The following ATRX variants were observed in gnomAD, a reference collection of about 807,000 sequenced individuals.
ATRX encodes the protein chromatin remodeler ATRX.
ATRX carries 12 observed loss-of-function variants against 172.6 expected under a neutral mutation model. That is an observed-to-expected ratio of 0.07 (90% CI 0.04 to 0.11). The LOEUF (loss-of-function observed/expected upper bound fraction) is 0.11. Ranked by LOEUF, ATRX falls within the 10% of genes least tolerant of loss-of-function variation. ATRX has a pLI of 1.00. For synonymous variants in ATRX, 674 were observed against 594.7 expected (o/e 1.13, Z -1.94); for missense variants, 1,368 against 1,767.4 (o/e 0.77, Z 4.05).
chrX:77,538,645 A>G (rs886603831), intron 30 of ATRX, among the ~76,000 whole-genome samples: 129 of 111,865 alleles, frequency 1.2e-3, no homozygotes, highest in African/African-American at 3.5e-3. Context: ...TTAAATTAAA[A>G]AAGTTAGCTG....
chrX:77,625,114 G>C (rs909573522), intron 19 of ATRX, among the ~76,000 whole-genome samples: 1 of 111,774 alleles, frequency 8.9e-6, no homozygotes, highest in Admixed American at 9.5e-5. Flanking sequence ...ACTAATCTTC[G>C]ACAAAGCAAA....
chrX:77,569,842 A>G (rs1016642493), intron 28 of ATRX, among the ~76,000 whole-genome samples: 1 of 112,271 alleles, frequency 8.9e-6, no homozygotes, highest in African/African-American at 3.2e-5. Context: ...TTGAAAAATG[A>G]TATCAATTCT....
chrX:77,649,771 C>T (rs782120453), intron 15 of ATRX, among the ~76,000 whole-genome samples: 3 of 112,109 alleles, frequency 2.7e-5, no homozygotes, highest in Non-Finnish European at 5.6e-5. Context: ...TTACCTTCCA[C>T]CATGATTGTG....
intron 14 of ATRX, among the ~76,000 whole-genome samples, 156 bp from the exon 15 acceptor site, chrX:77,652,509 A>C (rs1338044068): frequency 4.6e-5 from 5 of 108,416 alleles, no homozygotes; most frequent in Non-Finnish European, 9.5e-5. Flanking sequence ...AAAAAAAAAA[A>C]ACAACTCTTC....
At chrX:77,664,244 G>T in intron 11 of ATRX, among the ~76,000 whole-genome samples, 1 of 111,504 alleles carries the variant, frequency 9.0e-6, no homozygotes, top group East Asian at 2.8e-4. Context: ...AGTATTAAGA[G>T]ATTTTTTTTC....
At chrX:77,661,834 C>T (rs1557122843) in intron 12 of ATRX, among the ~76,000 whole-genome samples, 1 of 111,400 alleles carries the variant, frequency 9.0e-6, no homozygotes, top group Non-Finnish European at 1.9e-5. Flanking sequence ...AAAACACAGG[C>T]TTACAAAGAT....
chrX:77,682,478 C>T lies in ATRX; in HGVS notation c.2778G>A (p.Gly926=), dbSNP rs1419707341. 1.1e-5 allele frequency: 13 copies of T among 1,209,620 alleles called. No homozygotes were observed. Among genetic ancestry groups the T allele is most frequent in the Non-Finnish European group, 1.5e-5 (13 of 895,026 alleles). ...ASTDGVDKLS[G]KEESFTSLEV... ...CCAAAGAAGTAAAACTCTCCTCTTT[C>T]CCAGAAAGCTTATCGACACCATCAG... The change falls in exon 9 of 35, where the codon GGG becomes GGA. Residue 926 remains glycine (G), a synonymous_variant. Coordinates refer to ENST00000373344, the MANE Select transcript of ATRX (RefSeq NM_000489.6).
chrX:77,717,899 G>C (rs1459226222), intron 1 of ATRX, among the ~76,000 whole-genome samples: 1 of 111,148 alleles, frequency 9.0e-6, no homozygotes, highest in Non-Finnish European at 1.9e-5. Flanking sequence ...AAGAAAATTT[G>C]GGGGATTAAA....
chrX:77,582,808 A>G (rs782192570), intron 27 of ATRX, among the ~76,000 whole-genome samples: 1 of 112,095 alleles, frequency 8.9e-6, no homozygotes, highest in Admixed American at 9.5e-5. Context: ...GAAGTCCAAA[A>G]TCTGAACAGA....
intron 30 of ATRX, among the ~76,000 whole-genome samples, chrX:77,537,589 A>G (rs2063796104): frequency 9.0e-6 from 1 of 111,030 alleles, no homozygotes; most frequent in Non-Finnish European, 1.9e-5. Context: ...AGATTCAGCA[A>G]CTTGGGAGGC....
At chrX:77,601,687 T>C (rs182835381) in intron 22 of ATRX, among the ~76,000 whole-genome samples, 7 of 111,729 alleles carry the variant, frequency 6.3e-5, no homozygotes, top group African/African-American at 2.3e-4. Flanking sequence ...AAAAACAGCA[T>C]TTAAGCAATA....
chrX:77,637,612 G>GA (rs200525090), intron 15 of ATRX, among the ~76,000 whole-genome samples: 10 of 107,895 alleles, frequency 9.3e-5, no homozygotes, highest in Non-Finnish European at 1.7e-4. Context: ...ATGGTTCCAT[G>GA]AAAAAAAAAT....
intron 34 of ATRX, among the ~76,000 whole-genome samples, chrX:77,517,610 C>T (rs1158319990): frequency 9.8e-5 from 11 of 111,861 alleles, no homozygotes; most frequent in Non-Finnish European, 1.9e-4. Flanking sequence ...AGAACTAATA[C>T]CAATCTTCCT....
chrX:77,639,574 G>A (rs1341686727), intron 15 of ATRX, among the ~76,000 whole-genome samples: 1 of 111,155 alleles, frequency 9.0e-6, no homozygotes, highest in African/African-American at 3.3e-5. Flanking sequence ...TTAAGTGTGT[G>A]GTACATTTTA....
chrX:77,683,460 G>A lies in ATRX; in HGVS notation c.1796C>T (p.Pro599Leu). ...TTCCTGACAATCAGCACCTTTAATT[G>A]GGGAATTAGAAAGGGAAACAGGAGT... ...KLTPVSLSNSPIKGADCQEVP... is the reference protein window; with the variant it reads ...KLTPVSLSNSLIKGADCQEVP... The change falls in exon 9 of 35, where the codon CCA (proline) becomes CTA (leucine). Residue 599 changes from proline to leucine, a missense_variant. Pro to Leu is a moderately conservative substitution (Grantham distance 98, BLOSUM62 -3). Transcript: ENST00000373344. 8.3e-7 allele frequency: 1 copy of A among 1,209,591 alleles called. No homozygotes were observed. The highest frequency in any genetic ancestry group is 1.1e-6 in the Non-Finnish European group (1 of 893,674).
chrX:77,546,042 C>T (rs1353919660), intron 30 of ATRX, among the ~76,000 whole-genome samples: 1 of 111,260 alleles, frequency 9.0e-6, no homozygotes, highest in Non-Finnish European at 1.9e-5. Context: ...CATAAACCCA[C>T]AGTATTGATT....
chrX:77,600,369 T>A (rs2148154453), intron 23 of ATRX, 65 bp downstream of exon 23: 5 of 1,169,849 alleles, frequency 4.3e-6, no homozygotes, highest in Non-Finnish European at 5.8e-6. Context: ...AGTCTGTAGG[T>A]CAATTTTTTG....
chrX:77,748,458 T>C (rs1461421634), intron 1 of ATRX, among the ~76,000 whole-genome samples: 5 of 112,246 alleles, frequency 4.5e-5, no homozygotes, highest in African/African-American at 1.6e-4. Context: ...CTTTTATACT[T>C]TATACCTTTA....
At chrX:77,672,908 T>C (rs928428526) in intron 10 of ATRX, among the ~76,000 whole-genome samples, 4 of 111,479 alleles carry the variant, frequency 3.6e-5, no homozygotes, top group South Asian at 7.4e-4. Flanking sequence ...AAAAGCTCAA[T>C]TGTAAATATT....
Sources: allele counts gnomAD v4.1 joint callset (sites outside exome capture counted in the v4.1 genomes callset), GRCh38; gene constraint gnomAD v4.1.1; transcripts MANE v1.5; gene names NCBI Gene and HGNC (gene_info 2026-07-23, HGNC 2026-07-21).